Variants in WDR35 observed in about 807,000 individuals in gnomAD.
WDR35 encodes WD repeat-containing protein 35.
In WDR35, 118 loss-of-function variants were observed where a neutral mutation model predicts 158.3. The observed-to-expected ratio is 0.75, with a 90% CI of 0.64 to 0.87. The LOEUF (loss-of-function observed/expected upper bound fraction) is 0.87, where lower values mean the gene tolerates loss of function less well. Among genes scored for constraint, WDR35 ranks in the 40% least tolerant of loss-of-function variants. The pLI, the probability that WDR35 is intolerant of heterozygous loss-of-function variation, is 0.00. For missense variants in WDR35, 1,263 were observed against 1,405.8 expected (o/e 0.90, Z 1.62); for synonymous variants, 448 against 476.1 (o/e 0.94, Z 0.77).
In WDR35 at chr2:19,934,281, A is replaced by T. The variant is rs1177405420; in HGVS notation, c.2548-770T>A. On this transcript the variant is annotated intron_variant, in intron 21 of 26. Coordinates refer to ENST00000281405, the MANE Select transcript of WDR35 (RefSeq NM_020779.4). This position sits in a 1 kb window ranked among gnomAD's most constrained non-coding sequence, Gnocchi z 4.6. ...GGAATACATTCTATCTGTAAAAAAA[A>T]TTACAAAACATGAAAAAGTGAAATT... Among the ~76,000 whole-genome samples the T allele has an allele frequency of 6.6e-6, 1 of 152,192 alleles. No homozygotes were observed. The highest frequency in any genetic ancestry group is 1.9e-4 in the East Asian group (1 of 5,194).
At chr2:19,975,415 G>T in intron 6 of WDR35, 115 bp downstream of exon 6, 1 of 1,205,238 alleles carries the variant, frequency 8.3e-7, no homozygotes, top group East Asian at 2.8e-5. Context: ...AATCTGAATT[G>T]AAGACTTTAA....
intron 17 of WDR35, 94 bp from the exon 18 acceptor site, chr2:19,938,495 G>GA (rs1217558801): frequency 5.4e-5 from 75 of 1,385,864 alleles, no homozygotes; most frequent in Middle Eastern, 5.0e-4. Flanking sequence ...AACAAAACAA[G>GA]AAAAAAAACG....
chr2:19,916,528 C>G (rs552187180), intron 25 of WDR35, among the ~76,000 whole-genome samples: 1 of 152,202 alleles, frequency 6.6e-6, no homozygotes, highest in African/African-American at 2.4e-5. Flanking sequence ...TTTGAGCTAA[C>G]CTGGGATGCT....
chr2:19,949,353 T>C (rs1011431863), intron 13 of WDR35, among the ~76,000 whole-genome samples: 4 of 152,116 alleles, frequency 2.6e-5, no homozygotes, highest in African/African-American at 9.7e-5. Flanking sequence ...AGCTTGTAAT[T>C]GGGGAGGGGA....
intron 10 of WDR35, among the ~76,000 whole-genome samples, chr2:19,961,231 C>T (rs552145983): frequency 1.3e-5 from 2 of 152,268 alleles, no homozygotes; most frequent in Admixed American, 1.3e-4. Context: ...AAAAGGACAA[C>T]TCACTTTAAG....
chr2:19,919,390 AAAAAAAAAG>A (rs1415047922), intron 25 of WDR35, among the ~76,000 whole-genome samples: 6 of 148,466 alleles, frequency 4.0e-5, no homozygotes, highest in African/African-American at 4.9e-5. Context: ...CAAAAAAAAA[AAAAAAAAAG>A]AAAAGAAAAA....
chr2:19,958,451 A>G (rs1215761378), intron 11 of WDR35, among the ~76,000 whole-genome samples: 1 of 152,212 alleles, frequency 6.6e-6, no homozygotes, highest in African/African-American at 2.4e-5. Flanking sequence ...CTGTTCAATG[A>G]ATTAACTAGG....
In WDR35 at chr2:19,945,678, T is replaced by A. The variant is rs577566207; in HGVS notation, c.1845+108A>T. 818 of 1,189,708 alleles carry A rather than the reference T, an allele frequency of 6.9e-4. 2 individuals carry two copies. Among genetic ancestry groups the A allele is most frequent in the Middle Eastern group, 4.3e-3 (20 of 4,600 alleles). 73.7% of individuals were successfully genotyped at this position (1,189,708 alleles called of 1,614,324 possible). ...ATTTTCAGAAATTCATGCAGCCGTG[T>A]TGGCACTGCTATTCAACAAACTTCT... On this transcript the variant is annotated intron_variant, in intron 16 of 26. Coordinates refer to ENST00000281405, the MANE Select transcript of WDR35 (RefSeq NM_020779.4).
At chr2:19,927,637 C>T (rs1670397151) in intron 25 of WDR35, among the ~76,000 whole-genome samples, 1 of 152,140 alleles carries the variant, frequency 6.6e-6, no homozygotes, top group African/African-American at 2.4e-5. Context: ...CTATTAATAG[C>T]TCTTAACAAG....
intron 8 of WDR35, 50 bp downstream of exon 8, chr2:19,973,513 T>C: frequency 6.2e-7 from 1 of 1,613,228 alleles, no homozygotes. Context: ...TCTACCTTAC[T>C]CACTGCACAT....
chr2:19,953,172 AAC>A (rs1671304010), intron 12 of WDR35, among the ~76,000 whole-genome samples: 2 of 152,216 alleles, frequency 1.3e-5, no homozygotes, highest in Non-Finnish European at 2.9e-5. Context: ...AAGAGCAGCA[AAC>A]ACAGAGTATC....
intron 2 of WDR35, among the ~76,000 whole-genome samples, chr2:19,987,889 CATATATATATATACACACGTATAT>C (rs1295736509): frequency 6.8e-6 from 1 of 146,486 alleles, no homozygotes; most frequent in Non-Finnish European, 1.5e-5. Context: ...TACAGACACA[CATATATATATATACACACGTATAT>C]ATATATCTAT....
chr2:19,946,362 T>C, intron 15 of WDR35, 99 bp downstream of exon 15: 1 of 1,025,128 alleles, frequency 9.8e-7, no homozygotes, highest in South Asian at 1.3e-5. Flanking sequence ...AAGTTCATAA[T>C]AGACACGCCC....
chr2:19,968,152 G>C (rs1299866659), intron 9 of WDR35, among the ~76,000 whole-genome samples: 1 of 152,196 alleles, frequency 6.6e-6, no homozygotes. Context: ...AGGAAGACTA[G>C]CACAGAACCG....
rs1671117776 is a variant in WDR35 at position 19,948,194 on chromosome 2, G to A, written c.1494C>T (p.Ala498=). 1.9e-6 allele frequency: 3 copies of A among 1,609,458 alleles called. No homozygotes were observed. The highest frequency in any genetic ancestry group is 2.5e-6 in the Non-Finnish European group (3 of 1,178,638). Residue 498 remains alanine, a synonymous_variant, in exon 14 of 27, where the codon GCC becomes GCT. Coordinates refer to ENST00000281405, the MANE Select transcript of WDR35 (RefSeq NM_020779.4). ...TCAATATCTTATCTGATGCAGTTAT[G>A]GCACAAATTGGATCCCTTGTGCCCT... ...TIQGTRDPIC[A]ITASDKILIV...
rs779009587 is a variant in WDR35, at chr2:19,931,397, C to T, written c.2836G>A (p.Glu946Lys). 1.8e-5 allele frequency: 29 copies of T among 1,613,248 alleles called. No homozygotes were observed. In the South Asian group the frequency reaches 3.2e-4, roughly 18 times the overall value. Residue 946 changes from glutamate to lysine, a missense_variant, in exon 24 of 27, where the codon GAG becomes AAG. Transcript: ENST00000281405. ...AKLMFKIADEEAKKGSKPLRV... is the reference protein window; with the variant it reads ...AKLMFKIADEKAKKGSKPLRV... Reference sequence around the variant, plus strand: ...AAAGGTTTACTTCCTTTCTTTGCCTCTTCATCTGCAATCTTAAACATTTTT... The same window carrying T: ...AAAGGTTTACTTCCTTTCTTTGCCTTTTCATCTGCAATCTTAAACATTTTT...
intron 2 of WDR35, among the ~76,000 whole-genome samples, chr2:19,985,213 G>T (rs923807178): frequency 4.6e-5 from 7 of 151,478 alleles, no homozygotes; most frequent in Non-Finnish European, 1.0e-4. Context: ...ATGAGGATGA[G>T]GGTGGAGGCC....
At chr2:19,922,556 C>T (rs1424465212) in intron 25 of WDR35, among the ~76,000 whole-genome samples, 6 of 92,486 alleles carry the variant, frequency 6.5e-5, no homozygotes, top group East Asian at 3.4e-4. Context: ...GATCACACAC[C>T]GGGGCCTGTA....
chr2:19,927,574 A>AC (rs1479316722), intron 25 of WDR35, among the ~76,000 whole-genome samples: 1 of 152,136 alleles, frequency 6.6e-6, no homozygotes, highest in Non-Finnish European at 1.5e-5. Context: ...TGGCACCTCA[A>AC]CCTCAAATGA....
Sources: gnomAD v4.1 joint callset for allele counts (sites outside exome capture counted in the v4.1 genomes callset) on GRCh38, gnomAD v4.1.1 for gene constraint, Gnocchi (gnomAD v3.1) non-coding constraint, MANE v1.5 for transcripts, NCBI Gene and HGNC (gene_info 2026-07-23, HGNC 2026-07-21) for gene names.